The following R3HDM1 variants were observed in gnomAD, a reference collection of about 807,000 sequenced individuals.
R3HDM1 encodes R3H domain containing 1.
Under a neutral mutation model 141.1 loss-of-function variants are expected in R3HDM1, and 46 were observed. The ratio of observed to expected loss-of-function variants is 0.33; its 90% CI spans 0.26 to 0.42. The LOEUF (loss-of-function observed/expected upper bound fraction) is 0.42. Among genes scored for constraint, R3HDM1 ranks in the 10% least tolerant of loss-of-function variants. R3HDM1 has a pLI of 1.00. For synonymous variants in R3HDM1, 435 were observed against 472.9 expected (o/e 0.92, Z 1.04); for missense variants, 1,184 against 1,368.3 (o/e 0.87, Z 2.12).
chr2:135,675,303 G>A, intron 19 of R3HDM1, 29 bp from the exon 20 acceptor site: 2 of 1,570,424 alleles, frequency 1.3e-6, no homozygotes, highest in Non-Finnish European at 1.7e-6. Flanking sequence ...TGAATTCAGA[G>A]CAGGATTTAA....
chr2:135,716,617 A>T (rs955319341), intron 24 of R3HDM1, among the ~76,000 whole-genome samples: 6 of 152,248 alleles, frequency 3.9e-5, no homozygotes, highest in African/African-American at 1.2e-4. Context: ...TGGTATATTC[A>T]TACAAGGAAT....
chr2:135,668,213 C>T (rs927570883), intron 19 of R3HDM1, among the ~76,000 whole-genome samples: 1 of 152,106 alleles, frequency 6.6e-6, no homozygotes, highest in African/African-American at 2.4e-5. Context: ...TTTTAACCAA[C>T]ATAGATCCCA....
chr2:135,574,901 A>G (rs1705029055), intron 1 of R3HDM1, among the ~76,000 whole-genome samples: 2 of 152,226 alleles, frequency 1.3e-5, no homozygotes, highest in African/African-American at 4.8e-5. Context: ...TCCACAGTAT[A>G]CAGAAACAAG....
chr2:135,584,939 T>C (rs1408717045), intron 1 of R3HDM1, among the ~76,000 whole-genome samples: 1 of 152,210 alleles, frequency 6.6e-6, no homozygotes, highest in Non-Finnish European at 1.5e-5. Flanking sequence ...TAACAAAGAT[T>C]TTATCTGAGA....
intron 21 of R3HDM1, among the ~76,000 whole-genome samples, chr2:135,705,850 C>G (rs2074828717): frequency 6.6e-6 from 1 of 152,112 alleles, no homozygotes; most frequent in East Asian, 1.9e-4. Context: ...AGAAGAAGGA[C>G]CGGGCACAGT....
At chr2:135,707,168 T>C (rs1001720244) in intron 21 of R3HDM1, among the ~76,000 whole-genome samples, 1 of 152,274 alleles carries the variant, frequency 6.6e-6, no homozygotes, top group Non-Finnish European at 1.5e-5. Flanking sequence ...CAACTTTGAA[T>C]GACTAGGCCT....
At chr2:135,569,729 G>C in intron 1 of R3HDM1, among the ~76,000 whole-genome samples, 1 of 123,674 alleles carries the variant, frequency 8.1e-6, no homozygotes, top group African/African-American at 3.7e-5. Flanking sequence ...TTTTTTTTTT[G>C]TTGTTGTTTT....
intron 3 of R3HDM1, among the ~76,000 whole-genome samples, chr2:135,609,009 T>TCAC (rs1218451171): frequency 6.6e-6 from 1 of 152,190 alleles, no homozygotes; most frequent in African/African-American, 2.4e-5. Flanking sequence ...TTGAGTGAAG[T>TCAC]CATTGTTAAT....
chr2:135,721,836 C>A, intron 24 of R3HDM1, 88 bp from the exon 25 acceptor site: 2 of 1,127,488 alleles, frequency 1.8e-6, no homozygotes, highest in Non-Finnish European at 2.6e-6. Flanking sequence ...AATCCGCCTG[C>A]CTCAGCCTCC....
At chr2:135,595,887 G>A (rs975891552) in intron 1 of R3HDM1, among the ~76,000 whole-genome samples, 2 of 152,126 alleles carry the variant, frequency 1.3e-5, no homozygotes, top group African/African-American at 4.8e-5. Context: ...TTGTTTGCTA[G>A]AACAGGGTTA....
chr2:135,542,223 G>A (rs893284994), intron 1 of R3HDM1, among the ~76,000 whole-genome samples: 5 of 152,164 alleles, frequency 3.3e-5, no homozygotes, highest in Non-Finnish European at 4.4e-5. Context: ...TTTCAGATTA[G>A]GTATACACAA....
chr2:135,707,985 C>T (rs968458704), intron 21 of R3HDM1, among the ~76,000 whole-genome samples: 6 of 152,238 alleles, frequency 3.9e-5, no homozygotes, highest in African/African-American at 1.2e-4. Context: ...ACAGAATTAA[C>T]TTTTTATTAT....
In R3HDM1 at chr2:135,723,778, C is replaced by CAAAAAAA. The variant is rs541423067; in HGVS notation, c.3050-138_3050-132dup. On this transcript the variant is annotated intron_variant, in intron 26 of 26. Transcript: ENST00000683871. ...GGAGACAGAGTCAGACTCCATCTCC[C>CAAAAAAA]AAAAAAAAAAAAAAAAAAAAAAAAA... Among the ~76,000 whole-genome samples, 120 of 55,308 alleles carry CAAAAAAA rather than the reference C, an allele frequency of 2.2e-3. 4 individuals are homozygous for CAAAAAAA. Among genetic ancestry groups the CAAAAAAA allele is most frequent in the African/African-American group, 7.7e-3 (111 of 14,506 alleles). The allele number at this position is 55,308 out of a possible 152,430, so 36.3% of individuals were successfully genotyped here.
At chr2:135,649,186 C>G (rs2064843272) in intron 16 of R3HDM1, 1 of 152,090 alleles carries the variant, frequency 6.6e-6, no homozygotes, top group African/African-American at 2.4e-5. Flanking sequence ...CTGTCTCAGC[C>G]TCCCGAGTAG....
rs538483098 is a variant in R3HDM1, at chr2:135,645,002, A to T, written c.1475-377A>T. ...GAGGCTGAGGCAGGAGAATCATTTG[A>T]ACCCAGGAGACAGAGGTTGCACTGA... On this transcript the variant is annotated intron_variant, in intron 15 of 26. Transcript: ENST00000683871. Among the ~76,000 whole-genome samples the T allele has an allele frequency of 2.6e-5, 4 of 152,220 alleles. No individual in the cohort carries two copies. The East Asian group carries it at 7.7e-4, about 29-fold the overall frequency.
rs558954693 is a variant in R3HDM1 at position 135,550,836 on chromosome 2, C to A, written c.-250+19203C>A. Among the ~76,000 whole-genome samples the A allele has an allele frequency of 2.2e-4, 33 of 152,028 alleles. No individual in the cohort carries two copies. The South Asian group carries it at 5.8e-3, about 27-fold the overall frequency. On this transcript the variant is annotated intron_variant, in intron 1 of 26. Transcript: ENST00000683871. ...TCAAGTCAATTAATGTGCCTTTATC[C>A]CCAAAATTTAATGGGTTTATTAGGG...
At chr2:135,694,702 A>C (rs1164116699) in intron 21 of R3HDM1, among the ~76,000 whole-genome samples, 1 of 152,162 alleles carries the variant, frequency 6.6e-6, no homozygotes, top group Non-Finnish European at 1.5e-5. Context: ...TAGGAGATGG[A>C]GTTGGGACTT....
At chr2:135,622,037 A>G (rs2061556524) in intron 6 of R3HDM1, 1 of 984,544 alleles carries the variant, frequency 1.0e-6, no homozygotes, top group Non-Finnish European at 1.2e-6. Context: ...ACTATTACCT[A>G]GCATTGCAGA....
intron 1 of R3HDM1, chr2:135,581,481 G>T (rs1475873655): frequency 6.0e-6 from 5 of 835,070 alleles, no homozygotes; most frequent in Non-Finnish European, 7.2e-6. Context: ...GACCTCACCT[G>T]ACTGACTAAT....
Sources: allele counts gnomAD v4.1 joint callset (sites outside exome capture counted in the v4.1 genomes callset), GRCh38; gene constraint gnomAD v4.1.1; transcripts MANE v1.5; gene names NCBI Gene and HGNC (gene_info 2026-07-23, HGNC 2026-07-21).